Variants in SLC8A1 observed in about 807,000 individuals in gnomAD.
The protein encoded by SLC8A1 is sodium/calcium exchanger 1.
Under a neutral mutation model 68.3 loss-of-function variants are expected in SLC8A1, and 18 were observed. The ratio of observed to expected loss-of-function variants is 0.26; its 90% CI spans 0.18 to 0.39. SLC8A1 has a LOEUF of 0.39. Ranked by LOEUF, SLC8A1 falls within the 10% of genes least tolerant of loss-of-function variation. SLC8A1 has a pLI of 1.00. For synonymous variants in SLC8A1, 475 were observed against 415.5 expected (o/e 1.14, Z -1.74); for missense variants, 985 against 1,156.7 (o/e 0.85, Z 2.15).
upstream of SLC8A1, among the ~76,000 whole-genome samples, chr2:40,455,792 G>A (rs147468079): frequency 3.7e-3 from 568 of 152,264 alleles, 4 homozygotes; most frequent in African/African-American, 0.013. Flanking sequence ...TTACTTCTCT[G>A]TTTTGTTTTG....
intron 7 of SLC8A1, among the ~76,000 whole-genome samples, chr2:40,119,702 A>T (rs1331936639): frequency 6.6e-6 from 1 of 152,242 alleles, no homozygotes; most frequent in Non-Finnish European, 1.5e-5. Context: ...GACACAAAAT[A>T]TGTTGATAAT....
exon 8 of SLC8A1, chr2:40,110,643 AT>A (rs1293565758): frequency 6.6e-6 from 1 of 152,192 alleles, no homozygotes; most frequent in African/African-American, 2.4e-5. Context: ...GAGATCCAAT[AT>A]TACATGCTGT....
rs977463480 is a variant in SLC8A1 at position 40,165,069 on chromosome 2, G to A, written c.1931-85C>T. Reference sequence around the variant, plus strand: ...GATCCTGCCATAAGAAAGCCAAGGAGGAAGGAAGCCCTAATGACCTACTAA... The same window carrying A: ...GATCCTGCCATAAGAAAGCCAAGGAAGAAGGAAGCCCTAATGACCTACTAA... On this transcript the variant is annotated intron_variant, in intron 4 of 7. Transcript: ENST00000406785. 12 of 1,567,076 alleles carry A rather than the reference G, an allele frequency of 7.7e-6. No individual in the cohort carries two copies. In the Admixed American group the frequency reaches 1.2e-4, roughly 15 times the overall value.
At chr2:40,492,638 A>G (rs905846635) in intron 1 of SLC8A1, among the ~76,000 whole-genome samples, 31 of 149,924 alleles carry the variant, frequency 2.1e-4, no homozygotes, top group Non-Finnish European at 3.4e-4. Context: ...GAACTCAAAC[A>G]AATTTACAAG....
exon 8 of SLC8A1, chr2:40,110,143 T>C (rs1413166812): frequency 6.6e-6 from 1 of 152,156 alleles, no homozygotes; most frequent in East Asian, 1.9e-4. Flanking sequence ...GCTGGAAACC[T>C]GCAGTGCTTT....
At chr2:40,100,678 T>G (rs962045445) in exon 8 of SLC8A1, 1 of 151,938 alleles carries the variant, frequency 6.6e-6, no homozygotes, top group Non-Finnish European at 1.5e-5. Flanking sequence ...GGTAATCAGG[T>G]GTGAGTGAGA....
In SLC8A1 at chr2:40,425,252, T is replaced by C. The variant is rs144604870; in HGVS notation, c.1808+3221A>G. On this transcript the variant is annotated intron_variant, in intron 2 of 7. Coordinates refer to ENST00000406785, the Ensembl canonical transcript of SLC8A1. Reference sequence around the variant, plus strand: ...CAAGCATCACTTATCACTTATCAAATTGAAATAAATCAACTCATTTATGTG... The same window carrying C: ...CAAGCATCACTTATCACTTATCAAACTGAAATAAATCAACTCATTTATGTG... Among the ~76,000 whole-genome samples the C allele has an allele frequency of 5.4e-3, 816 of 152,034 alleles. 23 individuals carry two copies. The highest frequency in any genetic ancestry group is 0.041 in the Admixed American group (619 of 15,260).
chr2:40,197,435 C>T (rs886442503), intron 2 of SLC8A1, among the ~76,000 whole-genome samples: 3 of 151,994 alleles, frequency 2.0e-5, no homozygotes, highest in Non-Finnish European at 4.4e-5. Context: ...TTAGGAAGTA[C>T]TTGCCAATTT....
At chr2:40,378,680 GA>G (rs1559450738) in intron 2 of SLC8A1, among the ~76,000 whole-genome samples, 2 of 152,126 alleles carry the variant, frequency 1.3e-5, no homozygotes, top group Non-Finnish European at 2.9e-5. Context: ...TGCAGAGAAA[GA>G]GGAATGAGTC....
At chr2:40,131,814 T>C (rs1469542804) in intron 7 of SLC8A1, among the ~76,000 whole-genome samples, 1 of 151,472 alleles carries the variant, frequency 6.6e-6, no homozygotes, top group Non-Finnish European at 1.5e-5. Flanking sequence ...TTCAGATTCA[T>C]TAGTGGCACA....
At chr2:40,369,753 TGAGCCATTGGCCA>T (rs1351493705) in intron 2 of SLC8A1, among the ~76,000 whole-genome samples, 1 of 152,066 alleles carries the variant, frequency 6.6e-6, no homozygotes, top group African/African-American at 2.4e-5. Flanking sequence ...GTTAAATTGT[TGAGCCATTGGCCA>T]GAGCCAATTG....
chr2:40,285,989 G>A (rs2068239103), intron 2 of SLC8A1, among the ~76,000 whole-genome samples: 1 of 152,134 alleles, frequency 6.6e-6, no homozygotes, highest in Non-Finnish European at 1.5e-5. Context: ...AAACTCTTAA[G>A]AGGAAAATGT....
At chr2:40,454,334 A>G (rs774948402), upstream of SLC8A1, among the ~76,000 whole-genome samples, 4 of 152,188 alleles carry the variant, frequency 2.6e-5, no homozygotes, top group Non-Finnish European at 4.4e-5. Flanking sequence ...TTTTGTGGAA[A>G]GAGTGTAGCC....
At chr2:40,273,470 G>A (rs1315780176) in intron 2 of SLC8A1, among the ~76,000 whole-genome samples, 2 of 152,142 alleles carry the variant, frequency 1.3e-5, no homozygotes, top group African/African-American at 4.8e-5. Flanking sequence ...TCAAGAAAAA[G>A]CTACACAAAG....
At chr2:40,133,685 C>G (rs1405725563) in intron 7 of SLC8A1, among the ~76,000 whole-genome samples, 1 of 137,002 alleles carries the variant, frequency 7.3e-6, no homozygotes, top group East Asian at 2.4e-4. Context: ...GAAGGCAAGA[C>G]TTAATGGGGC....
chr2:40,371,921 A>C (rs971450437), intron 2 of SLC8A1, among the ~76,000 whole-genome samples: 3 of 152,096 alleles, frequency 2.0e-5, no homozygotes, highest in Admixed American at 6.6e-5. Context: ...GCACTGAGAC[A>C]AAAAACCAGG....
chr2:40,440,905 C>G (rs1331325846), intron 1 of SLC8A1, among the ~76,000 whole-genome samples: 1 of 152,042 alleles, frequency 6.6e-6, no homozygotes, highest in Non-Finnish European at 1.5e-5. Context: ...TGCTGTTCAA[C>G]ATTGTATTGG....
intron 2 of SLC8A1, among the ~76,000 whole-genome samples, chr2:40,232,012 C>T (rs2059713243): frequency 1.3e-5 from 2 of 151,926 alleles, no homozygotes; most frequent in Non-Finnish European, 1.5e-5. Context: ...CTAATAAAAT[C>T]CAATAGAATG....
At chr2:40,173,409 A>C (rs922143880) in intron 4 of SLC8A1, among the ~76,000 whole-genome samples, 3 of 152,210 alleles carry the variant, frequency 2.0e-5, no homozygotes, top group African/African-American at 7.2e-5. Context: ...TCCAACACAA[A>C]GACTTGTCCT....
Sources: allele counts gnomAD v4.1 joint callset (sites outside exome capture counted in the v4.1 genomes callset), GRCh38; gene constraint gnomAD v4.1.1; transcripts MANE v1.5; gene names NCBI Gene and HGNC (gene_info 2026-07-23, HGNC 2026-07-21).